The following APBB2 variants were observed in gnomAD, a reference collection of about 807,000 sequenced individuals.
The protein encoded by APBB2 is Fe65-like 1.
Under a neutral mutation model 82.5 loss-of-function variants are expected in APBB2, and 38 were observed. The ratio of observed to expected loss-of-function variants is 0.46; its 90% confidence interval spans 0.36 to 0.60. The LOEUF is 0.60. Ranked by LOEUF, APBB2 falls within the 20% of genes least tolerant of loss-of-function variation. The probability of loss-of-function intolerance (pLI) is 0.00; values close to 1 mark genes in which losing one functional copy is unlikely to be tolerated. For missense variants in APBB2, 772 were observed against 972.3 expected (o/e 0.79, Z 2.74); for synonymous variants, 341 against 368.2 (o/e 0.93, Z 0.85).
chr4:41,068,464 C>T (rs777892667), intron 3 of APBB2, among the ~76,000 whole-genome samples: 3 of 152,086 alleles, frequency 2.0e-5, no homozygotes, highest in Non-Finnish European at 2.9e-5. Context: ...TAGTTGGCAA[C>T]GTCTCTTTGT....
At chr4:41,187,957 C>T (rs1773359019) in intron 1 of APBB2, among the ~76,000 whole-genome samples, 3 of 152,168 alleles carry the variant, frequency 2.0e-5, no homozygotes, top group Admixed American at 2.0e-4. Context: ...ATGAGATCCT[C>T]AATAGCATGA....
intron 1 of APBB2, among the ~76,000 whole-genome samples, chr4:41,197,960 T>G: frequency 6.6e-6 from 1 of 152,244 alleles, no homozygotes; most frequent in Non-Finnish European, 1.5e-5. Context: ...ATAACAATAT[T>G]CATTACGTGC....
chr4:41,120,597 G>A (rs559066144), intron 2 of APBB2, among the ~76,000 whole-genome samples: 3 of 152,096 alleles, frequency 2.0e-5, no homozygotes, highest in Non-Finnish European at 2.9e-5. Context: ...TTTCCCCTGG[G>A]GCCCTGAGCC....
At chr4:41,033,550 CCTTT>C (rs1279221929) in intron 4 of APBB2, among the ~76,000 whole-genome samples, 1 of 146,258 alleles carries the variant, frequency 6.8e-6, no homozygotes, top group Non-Finnish European at 1.5e-5. Context: ...GCCTTACCTA[CCTTT>C]CTGTCTCAAG....
intron 10 of APBB2, among the ~76,000 whole-genome samples, chr4:40,914,656 G>T (rs1413075752): frequency 6.6e-6 from 1 of 152,212 alleles, no homozygotes; most frequent in African/African-American, 2.4e-5. Flanking sequence ...TGAAAATGTT[G>T]TGACCAGAGG....
At chr4:41,056,747 T>C (rs1015382509) in intron 4 of APBB2, among the ~76,000 whole-genome samples, 1 of 152,246 alleles carries the variant, frequency 6.6e-6, no homozygotes, top group African/African-American at 2.4e-5. Flanking sequence ...AGCGTCTTTA[T>C]AAACTGCACC....
chr4:40,870,928 C>A (rs1404904653), intron 12 of APBB2, among the ~76,000 whole-genome samples: 1 of 151,958 alleles, frequency 6.6e-6, no homozygotes, highest in African/African-American at 2.4e-5. Context: ...GATGAACTCC[C>A]CACCTCTGGG....
rs545752300 is a variant in APBB2, at chr4:40,833,792, C to G, written c.1530-3215G>C. Among the ~76,000 whole-genome samples, 24 of 152,278 alleles carry G rather than the reference C, an allele frequency of 1.6e-4. No homozygotes were observed. In the South Asian group the frequency reaches 4.8e-3, roughly 30 times the overall value. On this transcript the variant is annotated intron_variant, in intron 12 of 17. Coordinates refer to ENST00000508593, the MANE Select transcript of APBB2 (RefSeq NM_004307.2). ...CGGCTCTGACATTCTCTGATAGAAG[C>G]CTCCAAGATCCATCAGCCTCTCCAT...
intron 4 of APBB2, among the ~76,000 whole-genome samples, chr4:41,046,582 T>C (rs1257042799): frequency 6.8e-6 from 1 of 147,344 alleles, no homozygotes; most frequent in East Asian, 2.2e-4. Flanking sequence ...AAGCAGATGG[T>C]CTTCTCCAGT....
At chr4:41,151,445 T>A (rs1247820178) in intron 1 of APBB2, among the ~76,000 whole-genome samples, 1 of 152,222 alleles carries the variant, frequency 6.6e-6, no homozygotes, top group Non-Finnish European at 1.5e-5. Context: ...TTAATGAGAT[T>A]TATCTACATG....
At chr4:40,941,654 G>T (rs1434758193) in intron 7 of APBB2, among the ~76,000 whole-genome samples, 1 of 152,208 alleles carries the variant, frequency 6.6e-6, no homozygotes, top group Non-Finnish European at 1.5e-5. Context: ...TTAAGAGACA[G>T]GGTTTTACCC....
In APBB2 at chr4:40,945,090, CGGGGCGGGGGGA is replaced by C; in HGVS notation, c.836-29_836-18del. 1.2e-5 allele frequency: 8 copies of C among 656,222 alleles called. No homozygotes were observed. Among genetic ancestry groups the C allele is most frequent in the Non-Finnish European group, 1.8e-5 (8 of 436,612 alleles). The allele number at this position is 656,222 out of a possible 1,614,324, so 40.6% of individuals were successfully genotyped here. ...ATATATCTGCTGAAAAATTGGGGGGCGGGGCGGGGGGAGAAAGAGAGAATTTTATTAAAAGAA... is the reference window on the plus strand; with the variant it reads ...ATATATCTGCTGAAAAATTGGGGGGCGAAAGAGAGAATTTTATTAAAAGAA... On this transcript the variant is annotated intron_variant, in intron 6 of 17. Transcript: ENST00000508593.
chr4:41,033,584 T>TCACACACACACACA lies in APBB2; in HGVS notation c.-50-294_-50-281dup, dbSNP rs71915197. On this transcript the variant is annotated intron_variant, in intron 4 of 17. Coordinates refer to ENST00000508593, the MANE Select transcript of APBB2 (RefSeq NM_004307.2). ...CTCAAGTTTCCAATGCTTTTTCTCA[T>TCACACACACACACA]CACACACACACACACACACACACAC... Among the ~76,000 whole-genome samples the TCACACACACACACA allele has an allele frequency of 3.0e-3, 389 of 130,816 alleles. 1 individual carries two copies. The highest frequency in any genetic ancestry group is 8.7e-3 in the East Asian group (40 of 4,624). The allele number at this position is 130,816 out of a possible 152,430, so 85.8% of individuals were successfully genotyped here.
At chr4:41,136,614 T>G (rs1290703837) in intron 2 of APBB2, among the ~76,000 whole-genome samples, 1 of 152,166 alleles carries the variant, frequency 6.6e-6, no homozygotes, top group African/African-American at 2.4e-5. Flanking sequence ...TAAGCCATCC[T>G]GAGAACTGAG....
intron 1 of APBB2, among the ~76,000 whole-genome samples, chr4:41,198,764 T>C (rs1580780888): frequency 6.6e-6 from 1 of 152,212 alleles, no homozygotes; most frequent in East Asian, 1.9e-4. Context: ...AGAGCCATGA[T>C]CCCTCCAAAG....
At chr4:41,041,693 T>C (rs949657128) in intron 4 of APBB2, among the ~76,000 whole-genome samples, 1 of 152,218 alleles carries the variant, frequency 6.6e-6, no homozygotes, top group Non-Finnish European at 1.5e-5. Context: ...CTTAAGGACA[T>C]TGATTTATGA....
At chr4:40,877,775 A>C (rs1386624104) in intron 12 of APBB2, among the ~76,000 whole-genome samples, 1 of 152,146 alleles carries the variant, frequency 6.6e-6, no homozygotes, top group East Asian at 1.9e-4. Context: ...GCTCTCCTTT[A>C]GGGAGGAGGC....
chr4:40,831,065 C>T (rs1011258253), intron 12 of APBB2, among the ~76,000 whole-genome samples: 6 of 152,216 alleles, frequency 3.9e-5, no homozygotes, highest in Admixed American at 3.9e-4. Context: ...TACCACTGCA[C>T]TCCAGACTGG....
intron 10 of APBB2, among the ~76,000 whole-genome samples, chr4:40,924,746 A>C (rs1782175409): frequency 1.3e-5 from 2 of 152,100 alleles, no homozygotes; most frequent in African/African-American, 2.4e-5. Flanking sequence ...CCCTCCCCAG[A>C]CTCTGGAACC....
Sources: allele counts gnomAD v4.1 joint callset (sites outside exome capture counted in the v4.1 genomes callset), GRCh38; gene constraint gnomAD v4.1.1; transcripts MANE v1.5; gene names NCBI Gene and HGNC (gene_info 2026-07-23, HGNC 2026-07-21).